The following TYK2 variants were observed in gnomAD, a reference collection of about 807,000 sequenced individuals.
The protein encoded by TYK2 is non-receptor tyrosine-protein kinase TYK2.
TYK2 carries 65 observed loss-of-function variants against 130.9 expected under a neutral mutation model. The observed-to-expected ratio is 0.50, with a 90% CI of 0.41 to 0.61. The LOEUF is 0.61. Among genes scored for constraint, TYK2 ranks in the 20% least tolerant of loss-of-function variants. The pLI, the probability that TYK2 is intolerant of heterozygous loss-of-function variation, is 0.00. For synonymous variants in TYK2, 647 were observed against 658.9 expected, an observed-to-expected ratio of 0.98 and a Z score of 0.28; for missense variants, 1,378 against 1,610.7, an observed-to-expected ratio of 0.86 and a Z score of 2.47.
At position 10,366,556 on chromosome 19, in the gene TYK2, C is replaced by G; in HGVS notation, c.490G>C (p.Val164Leu). 6.2e-7 allele frequency: 1 copy of G among 1,613,956 alleles called. No homozygotes were observed. Among genetic ancestry groups the G allele is most frequent in the East Asian group, 2.2e-5 (1 of 44,876 alleles). ...EQGKHEFVND[V>L]ASLWELSTEE... ...GTCGACAGCTCCCACAGTGATGCCA[C>G]GTCATTCACAAACTCATGCTTGCCC... Residue 164 changes from valine (V) to leucine (L), a missense_variant, in exon 6 of 25, where the codon GTG becomes CTG. Val to Leu is a conservative substitution (Grantham distance 32, BLOSUM62 1). Coordinates refer to ENST00000525621, the MANE Select transcript of TYK2 (RefSeq NM_003331.5).
intron 3 of TYK2, among the ~76,000 whole-genome samples, chr19:10,376,011 T>C (rs572958859): frequency 3.8e-4 from 57 of 149,656 alleles, no homozygotes; most frequent in Admixed American, 1.4e-3. Context: ...TTCTTTCTTT[T>C]TTTTTTTTTT....
intron 3 of TYK2, among the ~76,000 whole-genome samples, chr19:10,373,925 T>C (rs2042013193): frequency 6.6e-6 from 1 of 152,096 alleles, no homozygotes; most frequent in African/African-American, 2.4e-5. Context: ...CTGTTCCCTC[T>C]GCTGAGCGTG....
intron 17 of TYK2, chr19:10,357,346 G>A (rs535518843): frequency 1.9e-5 from 12 of 618,656 alleles, no homozygotes; most frequent in East Asian, 2.7e-5. Flanking sequence ...CTGAGATCAC[G>A]CCATTGCATT....
rs1485923076 is a variant in TYK2 at position 10,372,478 on chromosome 19, A to ATTTT, written c.194-4061_194-4060insAAAA. Among the ~76,000 whole-genome samples the ATTTT allele has an allele frequency of 2.5e-3, 159 of 64,314 alleles. 5 individuals carry two copies. The highest frequency in any genetic ancestry group is 3.1e-3 in the Non-Finnish European group (114 of 37,186). The allele number at this position is 64,314 out of a possible 152,430, so 42.2% of individuals were successfully genotyped here. On this transcript the variant is annotated intron_variant, in intron 3 of 24. Coordinates refer to ENST00000525621, the MANE Select transcript of TYK2 (RefSeq NM_003331.5). ...CACAGCTATATATATATATATATAT[A>ATTTT]TATATATTTTTTTTTTTTTTTTTTT...
rs770861737 is a variant in TYK2, at chr19:10,365,652, G to A, written c.876C>T (p.Tyr292=). Residue 292 remains tyrosine, a synonymous_variant, in exon 7 of 25, where the codon TAC becomes TAT. Transcript: ENST00000525621. The stretch of plus-strand genomic sequence containing the variant: ...TAGGGGCCACCCCACTGTCCCGGAT[G>A]TAGCAGGGCTCCCCCTCGGCCTGGG... The part of the protein sequence containing the change: ...LLAQAEGEPC[Y]IRDSGVAPTD... 1.2e-6 allele frequency: 2 copies of A among 1,613,700 alleles called. No individual in the cohort carries two copies. The highest frequency in any genetic ancestry group is 2.2e-5 in the East Asian group (1 of 44,882).
Position 10,368,331 on chromosome 19 carries a change from G to C in TYK2, c.281C>G (p.Pro94Arg), listed in dbSNP as rs765557425. ...WLPPNHILEIPRDASLMLYFR... is the reference protein window; with the variant it reads ...WLPPNHILEIRRDASLMLYFR... ...ATATAGCATCAGGCTTGCATCTCTG[G>C]GGATCTCTAGGATGTGGTTTGGGGG... The change falls in exon 4 of 25, where the codon CCC (proline) becomes CGC (arginine). Residue 94 changes from proline (P) to arginine (R), a missense_variant. By Grantham distance (103) the Pro-to-Arg change is moderately radical. Coordinates refer to ENST00000525621, the MANE Select transcript of TYK2 (RefSeq NM_003331.5). 5.0e-6 allele frequency: 8 copies of C among 1,614,138 alleles called. No individual in the cohort carries two copies. The highest frequency in any genetic ancestry group is 6.8e-6 in the Non-Finnish European group (8 of 1,180,026).
chr19:10,363,187 CTT>C (rs942594471), intron 9 of TYK2, among the ~76,000 whole-genome samples: 9,529 of 127,432 alleles, frequency 0.075, 331 homozygotes, highest in Middle Eastern at 0.13. Context: ...CCTGATCTCT[CTT>C]TTTTTTTTTT....
In TYK2 at chr19:10,353,856, A is replaced by G; in HGVS notation, c.2908+186T>C. On this transcript the variant is annotated intron_variant, in intron 20 of 24. Coordinates refer to ENST00000525621, the MANE Select transcript of TYK2 (RefSeq NM_003331.5). This position sits in a 1 kb window ranked among gnomAD's most constrained non-coding sequence, Gnocchi z 6.9. ...GGCTCCCGTCCATCCTGGCCCCAGCAGGTAGCACCCCCCAGATGGGAAGGA... is the reference window on the plus strand; with the variant it reads ...GGCTCCCGTCCATCCTGGCCCCAGCGGGTAGCACCCCCCAGATGGGAAGGA... 1.4e-6 allele frequency: 1 copy of G among 732,964 alleles called. No individual in the cohort carries two copies. Among genetic ancestry groups the G allele is most frequent in the Non-Finnish European group, 2.3e-6 (1 of 442,274 alleles). The allele number at this position is 732,964 out of a possible 1,614,324, so 45.4% of individuals were successfully genotyped here.
At position 10,375,617 on chromosome 19, in the gene TYK2, A is replaced by C. The variant is rs1006776519; in HGVS notation, c.193+2597T>G. Among the ~76,000 whole-genome samples, 4 of 149,436 alleles carry C rather than the reference A, an allele frequency of 2.7e-5. 1 individual carries two copies. Among genetic ancestry groups the C allele is most frequent in the Middle Eastern group, 7.1e-3 (2 of 282 alleles). On this transcript the variant is annotated intron_variant, in intron 3 of 24. Coordinates refer to ENST00000525621, the MANE Select transcript of TYK2 (RefSeq NM_003331.5). ...GGGTGACAGAGTGAGACCCTATGTC[A>C]TTAAAAAAAGAAAATTGGGCCGGGC... is the stretch of plus-strand genomic sequence containing the variant.
At chr19:10,357,728 C>T (rs1372221930) in intron 17 of TYK2, 36 bp downstream of exon 17, 3 of 1,572,228 alleles carry the variant, frequency 1.9e-6, no homozygotes, top group African/African-American at 1.4e-5. Flanking sequence ...GAGGGGCCCC[C>T]ACTGCGGGGA....
rs978916286 is a variant in TYK2, at chr19:10,378,297, G to C, written c.110C>G (p.Pro37Arg). ...GLKVLLHWAGPGGGEPWVTFS... is the reference protein window; with the variant it reads ...GLKVLLHWAGRGGGEPWVTFS... ...AGTGACCCAGGGCTCCCCGCCGCCTGGACCAGCCCAGTGCAGAAGCACCTT... is the reference window on the plus strand; with the variant it reads ...AGTGACCCAGGGCTCCCCGCCGCCTCGACCAGCCCAGTGCAGAAGCACCTT... The change falls in exon 3 of 25, where the codon CCA becomes CGA. Residue 37 changes from proline to arginine, a missense_variant. Coordinates refer to ENST00000525621, the MANE Select transcript of TYK2 (RefSeq NM_003331.5). 3 of 1,612,922 alleles carry C rather than the reference G, an allele frequency of 1.9e-6. No individual in the cohort carries two copies. The highest frequency in any genetic ancestry group is 2.5e-6 in the Non-Finnish European group (3 of 1,179,984).
At chr19:10,355,764 C>T (rs1249647617) in intron 18 of TYK2, among the ~76,000 whole-genome samples, 2 of 148,696 alleles carry the variant, frequency 1.3e-5, no homozygotes, top group Non-Finnish European at 3.0e-5. Context: ...GAGACTGAGA[C>T]CATCCTGGCC....
At position 10,368,194 on chromosome 19, in the gene TYK2, A is replaced by G; in HGVS notation, c.326T>C (p.Phe109Ser). 6.2e-7 allele frequency: 1 copy of G among 1,614,106 alleles called. No homozygotes were observed. Among genetic ancestry groups the G allele is most frequent in the Non-Finnish European group, 8.5e-7 (1 of 1,180,012 alleles). Residue 109 changes from phenylalanine to serine, a missense_variant, in exon 5 of 25, where the codon TTC becomes TCC. Transcript: ENST00000525621. ...LMLYFRIRFY[F>S]RNWHGMNPRE... ...AGGATTCATGCCATGCCAGTTCCGG[A>G]AATAAAACCTGCAGGAAGGAGGGAC...
At chr19:10,377,545 TGG>T (rs1293360932) in intron 3 of TYK2, among the ~76,000 whole-genome samples, 6 of 68,942 alleles carry the variant, frequency 8.7e-5, no homozygotes, top group South Asian at 5.7e-4. Context: ...GATGGATGGA[TGG>T]GTGGGTGGGT....
rs1398836894 is a variant in TYK2, at chr19:10,364,536, C to A, written c.1367+78G>T. 2.0e-6 allele frequency: 3 copies of A among 1,535,036 alleles called. No homozygotes were observed. Among genetic ancestry groups the A allele is most frequent in the Non-Finnish European group, 1.8e-6 (2 of 1,112,076 alleles). The stretch of plus-strand genomic sequence containing the variant: ...AATAAGACGTGCACCTACACACACA[C>A]CCTGCACAGCCCCTAGGGCTCACAG... On this transcript the variant is annotated intron_variant, in intron 9 of 24. Coordinates refer to ENST00000525621, the MANE Select transcript of TYK2 (RefSeq NM_003331.5). This position sits in a 1 kb window ranked among gnomAD's most constrained non-coding sequence, Gnocchi z 4.9.
intron 23 of TYK2, chr19:10,351,557 A>C: frequency 3.5e-6 from 1 of 285,924 alleles, no homozygotes; most frequent in South Asian, 3.4e-5. Flanking sequence ...CACCTCTTAC[A>C]CTTCTCAGCT....
Position 10,362,184 on chromosome 19 carries a change from G to A in TYK2, c.1670-3C>T. The A allele has an allele frequency of 6.2e-7, 1 of 1,613,938 alleles. No individual in the cohort carries two copies. Among genetic ancestry groups the A allele is most frequent in the Non-Finnish European group, 8.5e-7 (1 of 1,180,004 alleles). On this transcript the variant is annotated splice_polypyrimidine_tract_variant and splice_region_variant and intron_variant, in intron 11 of 24. Coordinates refer to ENST00000525621, the MANE Select transcript of TYK2 (RefSeq NM_003331.5). ...CATGATGATGAGATTGGAGGTTTCTGGGGGCAGGCATCAAGTCATGGAGGG... is the reference window on the plus strand; with the variant it reads ...CATGATGATGAGATTGGAGGTTTCTAGGGGCAGGCATCAAGTCATGGAGGG...
In TYK2 at chr19:10,353,898, T is replaced by C. The variant is rs1007811933; in HGVS notation, c.2908+144A>G. On this transcript the variant is annotated intron_variant, in intron 20 of 24. Transcript: ENST00000525621. This position sits in a 1 kb window ranked among gnomAD's most constrained non-coding sequence, Gnocchi z 6.9. ...TGGGAAGGAGGCAGCCCAGCCACGC[T>C]CACCCAGATGCCAAGAACCGCGTAC... 1 of 934,614 alleles carries C rather than the reference T, an allele frequency of 1.1e-6. No individual in the cohort carries two copies. Among genetic ancestry groups the C allele is most frequent in the African/African-American group, 1.6e-5 (1 of 61,484 alleles). 57.9% of individuals were successfully genotyped at this position (934,614 alleles called of 1,614,324 possible).
Position 10,361,498 on chromosome 19 carries a change from G to A in TYK2, c.2047+13C>T, listed in dbSNP as rs1407034423. ...CCTGCCAAAGGGGGATGGGTATGGC[G>A]GGACCCACTCACTTTCAGGGCCGCG... On this transcript the variant is annotated intron_variant, in intron 14 of 24. Coordinates refer to ENST00000525621, the MANE Select transcript of TYK2 (RefSeq NM_003331.5). This position sits in a 1 kb window ranked among gnomAD's most constrained non-coding sequence, Gnocchi z 4.0. 9 of 1,545,134 alleles carry A rather than the reference G, an allele frequency of 5.8e-6. No individual in the cohort carries two copies. The highest frequency in any genetic ancestry group is 1.2e-5 in the South Asian group (1 of 84,062).
Sources: allele counts gnomAD v4.1 joint callset (sites outside exome capture counted in the v4.1 genomes callset), GRCh38; gene constraint gnomAD v4.1.1; non-coding constraint Gnocchi (gnomAD v3.1); transcripts MANE v1.5; gene names NCBI Gene and HGNC (gene_info 2026-07-23, HGNC 2026-07-21).